Variants in EXOC6B observed in about 807,000 individuals in gnomAD.
EXOC6B encodes the protein SEC15 homolog B.
A neutral mutation model predicts 113.5 loss-of-function variants in EXOC6B; 54 were observed. That is an observed-to-expected ratio of 0.48 (90% CI 0.38 to 0.60). The LOEUF is 0.60. EXOC6B is among the 20% of genes least tolerant of loss of function. The pLI is 0.00. For synonymous variants in EXOC6B, 357 were observed against 339.0 expected (o/e 1.05, Z -0.58); for missense variants, 797 against 977.5 (o/e 0.82, Z 2.46).
At chr2:72,190,783 T>C (rs1558999383) in intron 20 of EXOC6B, among the ~76,000 whole-genome samples, 1 of 152,234 alleles carries the variant, frequency 6.6e-6, no homozygotes. Context: ...TCCTCATTAA[T>C]GATTATATTC....
intron 1 of EXOC6B, among the ~76,000 whole-genome samples, chr2:72,810,336 AAAATAAATAAATAAATAAATAAAT>A (rs150111513): frequency 1.4e-5 from 2 of 140,248 alleles, no homozygotes; most frequent in East Asian, 2.1e-4. Flanking sequence ...CCTTGTCTCT[AAAATAAATAAATAAATAAATAAAT>A]AAATAAATAA....
chr2:72,489,255 T>C (rs867810238), intron 16 of EXOC6B, among the ~76,000 whole-genome samples: 1 of 152,334 alleles, frequency 6.6e-6, no homozygotes, highest in East Asian at 1.9e-4. Flanking sequence ...TTATTATCTG[T>C]TTTTCTCTGG....
chr2:72,266,963 G>A (rs1330510146), intron 20 of EXOC6B, among the ~76,000 whole-genome samples: 4 of 152,068 alleles, frequency 2.6e-5, no homozygotes, highest in African/African-American at 9.7e-5. Flanking sequence ...CCTTGAAGAG[G>A]TCCTTCACGT....
At chr2:72,698,378 T>C (rs1364704990) in intron 6 of EXOC6B, among the ~76,000 whole-genome samples, 4 of 152,138 alleles carry the variant, frequency 2.6e-5, no homozygotes, top group Non-Finnish European at 5.9e-5. Context: ...GAGATAAGGT[T>C]ATCGATAAAG....
chr2:72,484,782 A>T (rs1699331291), intron 16 of EXOC6B, among the ~76,000 whole-genome samples: 1 of 152,024 alleles, frequency 6.6e-6, no homozygotes, highest in Non-Finnish European at 1.5e-5. Flanking sequence ...ACATGATCTC[A>T]TTCCTTTTTA....
chr2:72,768,307 T>C (rs1490064048), intron 1 of EXOC6B, among the ~76,000 whole-genome samples: 14 of 121,764 alleles, frequency 1.1e-4, no homozygotes, highest in South Asian at 3.0e-4. Context: ...TTTTTTTTTT[T>C]CGAGACAGAG....
chr2:72,413,767 G>A (rs558803729), intron 18 of EXOC6B, among the ~76,000 whole-genome samples: 3 of 152,134 alleles, frequency 2.0e-5, no homozygotes, highest in South Asian at 2.1e-4. Context: ...GGCCTCAAGT[G>A]ATTTCTCACA....
intron 6 of EXOC6B, among the ~76,000 whole-genome samples, chr2:72,663,518 T>C (rs1675170613): frequency 6.6e-6 from 1 of 151,782 alleles, no homozygotes. Flanking sequence ...CAAAGTGGAG[T>C]CTCAGGAGAA....
intron 1 of EXOC6B, among the ~76,000 whole-genome samples, chr2:72,753,221 T>C (rs1682174977): frequency 6.8e-6 from 1 of 147,170 alleles, no homozygotes; most frequent in African/African-American, 2.5e-5. Flanking sequence ...GCCCAGATAA[T>C]ATGGCAAGGG....
At chr2:72,697,768 AG>A (rs1216354695) in intron 6 of EXOC6B, among the ~76,000 whole-genome samples, 1 of 152,212 alleles carries the variant, frequency 6.6e-6, no homozygotes, top group African/African-American at 2.4e-5. Flanking sequence ...TTTTACTAAT[AG>A]AATGCGTCTG....
At position 72,666,780 on chromosome 2, in the gene EXOC6B, G is replaced by GACACACAC. The variant is rs71404724; in HGVS notation, c.669+51315_669+51322dup. Among the ~76,000 whole-genome samples the GACACACAC allele has an allele frequency of 4.8e-3, 389 of 81,230 alleles. 6 individuals are homozygous for GACACACAC. Among genetic ancestry groups the GACACACAC allele is most frequent in the African/African-American group, 0.011 (376 of 35,452 alleles). The allele number at this position is 81,230 out of a possible 152,430, so 53.3% of individuals were successfully genotyped here. A position where few individuals can be genotyped will look rare whatever the true frequency, so the allele number is the denominator to read the frequency against. The stretch of plus-strand genomic sequence containing the variant: ...CAAGAATGCAATCCCATTTACAATA[G>GACACACAC]ACACACACACACACACACACACACA... On this transcript the variant is annotated intron_variant, in intron 6 of 21. Transcript: ENST00000272427.
chr2:72,788,004 A>G (rs1291259768), intron 1 of EXOC6B, among the ~76,000 whole-genome samples: 2 of 152,200 alleles, frequency 1.3e-5, no homozygotes, highest in Non-Finnish European at 2.9e-5. Context: ...CATGACCTTA[A>G]AGAAATAATT....
intron 17 of EXOC6B, among the ~76,000 whole-genome samples, chr2:72,471,048 T>G (rs2105445795): frequency 6.6e-6 from 1 of 152,292 alleles, no homozygotes; most frequent in Non-Finnish European, 1.5e-5. Flanking sequence ...CCACACTGAC[T>G]TCCACAATGG....
chr2:72,411,113 G>A (rs182476871), intron 18 of EXOC6B, among the ~76,000 whole-genome samples: 95 of 152,272 alleles, frequency 6.2e-4, no homozygotes, highest in Non-Finnish European at 1.2e-3. Flanking sequence ...GGAGGTGGAG[G>A]TGTGGGAGGG....
chr2:72,421,974 A>G (rs1694901855), intron 18 of EXOC6B, among the ~76,000 whole-genome samples: 1 of 152,238 alleles, frequency 6.6e-6, no homozygotes, highest in Admixed American at 6.5e-5. Context: ...CACCCGGGCC[A>G]GTGGCTGCGG....
chr2:72,600,777 AC>A (rs1670377967), intron 6 of EXOC6B, among the ~76,000 whole-genome samples: 1 of 152,178 alleles, frequency 6.6e-6, no homozygotes, highest in Non-Finnish European at 1.5e-5. Flanking sequence ...AATCTAGGTA[AC>A]CTTGGGTTCA....
chr2:72,370,116 AC>A (rs1690906205), intron 19 of EXOC6B, among the ~76,000 whole-genome samples: 1 of 152,200 alleles, frequency 6.6e-6, no homozygotes, highest in Non-Finnish European at 1.5e-5. Flanking sequence ...TACTCATCTG[AC>A]AAAGGGCTAA....
chr2:72,242,652 C>T (rs2104512121), intron 20 of EXOC6B, among the ~76,000 whole-genome samples: 1 of 152,224 alleles, frequency 6.6e-6, no homozygotes, highest in Admixed American at 6.5e-5. Flanking sequence ...TCACTTCAAA[C>T]ACAAAACGGT....
intron 6 of EXOC6B, among the ~76,000 whole-genome samples, chr2:72,625,039 T>C (rs1330663522): frequency 7.1e-6 from 1 of 140,360 alleles, no homozygotes; most frequent in Non-Finnish European, 1.5e-5. Flanking sequence ...CCTTTATTTA[T>C]GCAAGAACAT....
Sources: gnomAD v4.1 joint callset for allele counts (sites outside exome capture counted in the v4.1 genomes callset) on GRCh38, gnomAD v4.1.1 for gene constraint, MANE v1.5 for transcripts, NCBI Gene and HGNC (gene_info 2026-07-23, HGNC 2026-07-21) for gene names.